Variants in GLCE observed in about 807,000 individuals in gnomAD.
GLCE encodes the protein glucuronic acid epimerase.
A neutral mutation model predicts 47.9 loss-of-function variants in GLCE; 19 were observed. That is an observed-to-expected ratio of 0.40 (90% CI 0.28 to 0.58). The LOEUF is 0.58. GLCE is among the 20% of genes least tolerant of loss of function. GLCE has a pLI of 0.48. For synonymous variants in GLCE, 245 were observed against 263.4 expected (o/e 0.93, Z 0.68); for missense variants, 556 against 743.3 (o/e 0.75, Z 2.93).
At chr15:69,192,578 T>C (rs2051929591) in intron 1 of GLCE, among the ~76,000 whole-genome samples, 1 of 152,154 alleles carries the variant, frequency 6.6e-6, no homozygotes, top group Non-Finnish European at 1.5e-5. Context: ...TTATTGCTTC[T>C]TGATAGGTCT....
chr15:69,265,266 C>A (rs943861356), intron 4 of GLCE, among the ~76,000 whole-genome samples: 99 of 151,292 alleles, frequency 6.5e-4, no homozygotes, highest in Non-Finnish European at 1.0e-3. Context: ...AAAAAAAAAA[C>A]AAAACTTTCT....
intron 1 of GLCE, among the ~76,000 whole-genome samples, chr15:69,189,061 TG>T (rs1037270533): frequency 6.6e-6 from 1 of 152,208 alleles, no homozygotes; most frequent in Admixed American, 6.5e-5. Flanking sequence ...TAATTTACAT[TG>T]GGGTTCACTC....
intron 1 of GLCE, among the ~76,000 whole-genome samples, chr15:69,174,871 G>A (rs774576842): frequency 1.3e-5 from 2 of 151,872 alleles, no homozygotes; most frequent in Non-Finnish European, 2.9e-5. Flanking sequence ...GTCATCTCGG[G>A]TTCTTCTATC....
intron 4 of GLCE, among the ~76,000 whole-genome samples, chr15:69,263,193 T>C (rs941139289): frequency 2.6e-5 from 4 of 151,916 alleles, no homozygotes; most frequent in African/African-American, 9.7e-5. Context: ...TGAGAGAAGG[T>C]GAGTTGGAGT....
Position 69,174,200 on chromosome 15 carries a change from C to T in GLCE, c.-105+13443C>T, listed in dbSNP as rs934541067. ...AGTTTATTCACAATTCCGAAGGAAA[C>T]AAGATTTTAGTCTTGTTTTAGAAAT... On this transcript the variant is annotated intron_variant, in intron 1 of 4. Transcript: ENST00000261858. Among the ~76,000 whole-genome samples, 3 of 152,140 alleles carry T rather than the reference C, an allele frequency of 2.0e-5. No individual in the cohort carries two copies. The East Asian group carries it at 5.8e-4, about 29-fold the overall frequency.
At chr15:69,183,792 T>C (rs1288168089) in intron 1 of GLCE, among the ~76,000 whole-genome samples, 1 of 152,196 alleles carries the variant, frequency 6.6e-6, no homozygotes, top group Non-Finnish European at 1.5e-5. Context: ...AGTTTCTTCC[T>C]TTAGGTCAGT....
intron 1 of GLCE, among the ~76,000 whole-genome samples, chr15:69,205,034 T>C (rs2140368125): frequency 6.6e-6 from 1 of 152,222 alleles, no homozygotes. Flanking sequence ...GCAGTAAAAC[T>C]GACTTTTCCT....
intron 4 of GLCE, among the ~76,000 whole-genome samples, chr15:69,263,846 G>T (rs1230879722): frequency 6.6e-6 from 1 of 151,844 alleles, no homozygotes; most frequent in Non-Finnish European, 1.5e-5. Context: ...TTTGTTGGAT[G>T]TGAAACATTG....
intron 1 of GLCE, among the ~76,000 whole-genome samples, chr15:69,204,802 C>G (rs2140367889): frequency 6.6e-6 from 1 of 152,150 alleles, no homozygotes; most frequent in Admixed American, 6.5e-5. Flanking sequence ...GACTCCTTTG[C>G]AGGTGATACA....
chr15:69,244,831 C>T (rs2052724623), intron 2 of GLCE, among the ~76,000 whole-genome samples: 1 of 152,066 alleles, frequency 6.6e-6, no homozygotes, highest in South Asian at 2.1e-4. Context: ...GGTCCTTATG[C>T]CTTAGTCTTT....
chr15:69,263,427 C>CT (rs879850919), intron 4 of GLCE, among the ~76,000 whole-genome samples: 26 of 143,662 alleles, frequency 1.8e-4, no homozygotes, highest in Admixed American at 2.8e-4. Flanking sequence ...TGCTGTTGGT[C>CT]TTTTTTTTTT....
intron 3 of GLCE, 143 bp downstream of exon 3, chr15:69,256,535 A>C: frequency 3.0e-6 from 2 of 662,732 alleles, no homozygotes; most frequent in South Asian, 3.9e-5. Context: ...GAACAGGTTA[A>C]GCCTGAACCT....
intron 2 of GLCE, among the ~76,000 whole-genome samples, chr15:69,236,936 C>T (rs544880193): frequency 1.5e-3 from 228 of 152,202 alleles, no homozygotes; most frequent in African/African-American, 4.4e-3. Context: ...CTTCCTCTAC[C>T]CCCCTTTTTA....
chr15:69,169,842 C>A (rs910323480), intron 1 of GLCE, among the ~76,000 whole-genome samples: 2 of 151,880 alleles, frequency 1.3e-5, no homozygotes, highest in Non-Finnish European at 2.9e-5. Context: ...TGAATAGTGC[C>A]GCAATAAACA....
chr15:69,228,896 C>G (rs891388003), intron 2 of GLCE, among the ~76,000 whole-genome samples: 1 of 152,106 alleles, frequency 6.6e-6, no homozygotes, highest in East Asian at 1.9e-4. Flanking sequence ...CCATGTTGCC[C>G]AGGCTGGTCT....
intron 2 of GLCE, among the ~76,000 whole-genome samples, chr15:69,236,949 A>G (rs2052600911): frequency 6.6e-6 from 1 of 152,118 alleles, no homozygotes. Context: ...CCTTTTTATA[A>G]AGGTCCCCAC....
intron 1 of GLCE, among the ~76,000 whole-genome samples, chr15:69,179,807 C>T (rs549694391): frequency 7.2e-5 from 11 of 151,992 alleles, no homozygotes; most frequent in African/African-American, 2.7e-4. Flanking sequence ...GCTAACATGG[C>T]GAAACCCTGT....
chr15:69,205,265 C>T (rs938447556), intron 1 of GLCE, among the ~76,000 whole-genome samples: 5 of 151,942 alleles, frequency 3.3e-5, no homozygotes, highest in African/African-American at 1.2e-4. Flanking sequence ...AAGACTGTTA[C>T]ATATCCATTT....
chr15:69,200,473 CA>C (rs2052062473), intron 1 of GLCE, among the ~76,000 whole-genome samples: 2 of 152,090 alleles, frequency 1.3e-5, no homozygotes, highest in Non-Finnish European at 2.9e-5. Flanking sequence ...TAAAGCTGAC[CA>C]AACATTCTAA....
Sources: allele counts gnomAD v4.1 joint callset (sites outside exome capture counted in the v4.1 genomes callset), GRCh38; gene constraint gnomAD v4.1.1; transcripts MANE v1.5; gene names NCBI Gene and HGNC (gene_info 2026-07-23, HGNC 2026-07-21).